Variants in HERPUD2 observed in about 807,000 individuals in gnomAD.
HERPUD2 encodes the protein homocysteine-responsive endoplasmic reticulum-resident ubiquitin-like domain member 2 protein.
In HERPUD2, 13 loss-of-function variants were observed where a neutral mutation model predicts 49.9. That is an observed-to-expected ratio of 0.26 (90% CI 0.17 to 0.41). The LOEUF (loss-of-function observed/expected upper bound fraction) is 0.41, where lower values mean the gene tolerates loss of function less well. HERPUD2 is among the 10% of genes least tolerant of loss of function. HERPUD2 has a pLI of 1.00. For missense variants in HERPUD2, 449 were observed against 492.2 expected (o/e 0.91, Z 0.83); for synonymous variants, 172 against 171.4 (o/e 1.00, Z -0.03).
intron 5 of HERPUD2, among the ~76,000 whole-genome samples, chr7:35,653,647 C>T (rs1284345296): frequency 6.6e-6 from 1 of 151,122 alleles, no homozygotes; most frequent in Non-Finnish European, 1.5e-5. Context: ...CCAGAATAGA[C>T]TGTATGTTAG....
chr7:35,642,798 C>A (rs758321960), intron 5 of HERPUD2, among the ~76,000 whole-genome samples: 1 of 152,086 alleles, frequency 6.6e-6, no homozygotes, highest in Non-Finnish European at 1.5e-5. Context: ...GACACTTCAG[C>A]GTACTTGAGA....
intron 6 of HERPUD2, among the ~76,000 whole-genome samples, chr7:35,636,078 T>G (rs1180913429): frequency 6.6e-6 from 1 of 152,206 alleles, no homozygotes; most frequent in Non-Finnish European, 1.5e-5. Flanking sequence ...ATAATTTGAT[T>G]GCTTAAAATT....
chr7:35,653,081 T>G (rs1358052923), intron 5 of HERPUD2, among the ~76,000 whole-genome samples: 1 of 152,162 alleles, frequency 6.6e-6, no homozygotes, highest in Non-Finnish European at 1.5e-5. Flanking sequence ...CCCTGTCATA[T>G]CAATAATAAT....
At chr7:35,684,521 G>GATAT (rs71553025) in intron 2 of HERPUD2, among the ~76,000 whole-genome samples, 10 of 150,588 alleles carry the variant, frequency 6.6e-5, no homozygotes, top group East Asian at 2.0e-4. Context: ...GTGAGAGACA[G>GATAT]ATATATATAT....
intron 5 of HERPUD2, among the ~76,000 whole-genome samples, chr7:35,658,936 T>C (rs1353070695): frequency 1.3e-5 from 2 of 152,216 alleles, no homozygotes; most frequent in Non-Finnish European, 2.9e-5. Context: ...TATTGTTAGA[T>C]TGGCAGACTT....
chr7:35,687,852 G>C (rs551589113), intron 2 of HERPUD2, among the ~76,000 whole-genome samples: 2 of 152,254 alleles, frequency 1.3e-5, no homozygotes, highest in East Asian at 3.9e-4. Context: ...AAGTCACCTA[G>C]TTAGTATCAA....
rs1583532599 is a variant in HERPUD2, at chr7:35,633,787, G to T, written c.1124C>A (p.Ala375Glu). The change falls in exon 9 of 9, where the codon GCA becomes GAA. Residue 375 changes from alanine (A) to glutamate (E), a missense_variant. Ala to Glu is a moderately radical substitution (Grantham distance 107). Transcript: ENST00000311350. ...AGCCATTAATCCAGGCCTTTGAATT[G>T]CACTGGCATCTTCACCTCCATCTTC... ...SGEDGGEDAS[A>E]IQRPGLMASA... 3 of 1,613,800 alleles carry T rather than the reference G, an allele frequency of 1.9e-6. No individual in the cohort carries two copies. Among genetic ancestry groups the T allele is most frequent in the Non-Finnish European group, 2.5e-6 (3 of 1,179,914 alleles).
intron 5 of HERPUD2, among the ~76,000 whole-genome samples, chr7:35,648,563 C>T (rs1273278580): frequency 6.6e-6 from 1 of 152,192 alleles, no homozygotes; most frequent in Non-Finnish European, 1.5e-5. Flanking sequence ...TGCAATACTT[C>T]CCCCTCTCAA....
chr7:35,678,095 G>A (rs944193690), intron 2 of HERPUD2, among the ~76,000 whole-genome samples: 2 of 152,178 alleles, frequency 1.3e-5, no homozygotes, highest in African/African-American at 2.4e-5. Flanking sequence ...GCAGTTTCAT[G>A]AGGCTCTAAT....
intron 5 of HERPUD2, among the ~76,000 whole-genome samples, chr7:35,644,484 C>T (rs901301598): frequency 6.6e-6 from 1 of 152,122 alleles, no homozygotes; most frequent in Non-Finnish European, 1.5e-5. Flanking sequence ...GAAACATCAA[C>T]CTGCCAGGGG....
At chr7:35,659,616 G>A (rs1433041309) in intron 5 of HERPUD2, among the ~76,000 whole-genome samples, 1 of 152,190 alleles carries the variant, frequency 6.6e-6, no homozygotes, top group Admixed American at 6.5e-5. Flanking sequence ...CAGTAGAGAA[G>A]AGACTTGCCC....
chr7:35,684,949 C>G (rs1163800872), intron 2 of HERPUD2, among the ~76,000 whole-genome samples: 3 of 151,914 alleles, frequency 2.0e-5, no homozygotes, highest in African/African-American at 7.3e-5. Flanking sequence ...TAATTGAAAA[C>G]AGAAAAACTG....
At chr7:35,643,482 ACTC>A (rs1372798075) in intron 5 of HERPUD2, among the ~76,000 whole-genome samples, 10 of 152,112 alleles carry the variant, frequency 6.6e-5, no homozygotes, top group African/African-American at 2.2e-4. Context: ...ATCTCTCTCT[ACTC>A]CTATGGAGTG....
intron 5 of HERPUD2, among the ~76,000 whole-genome samples, chr7:35,650,704 A>G (rs1024723773): frequency 6.6e-6 from 1 of 152,162 alleles, no homozygotes; most frequent in African/African-American, 2.4e-5. Context: ...CCCTGAGGAC[A>G]GGCTACCAGC....
At chr7:35,637,617 G>A (rs1041000253) in intron 6 of HERPUD2, among the ~76,000 whole-genome samples, 1 of 152,128 alleles carries the variant, frequency 6.6e-6, no homozygotes, top group Non-Finnish European at 1.5e-5. Flanking sequence ...TCCACAGAGA[G>A]CTAACAACTA....
chr7:35,646,309 C>T (rs1785053599), intron 5 of HERPUD2, among the ~76,000 whole-genome samples: 1 of 152,082 alleles, frequency 6.6e-6, no homozygotes, highest in Non-Finnish European at 1.5e-5. Flanking sequence ...AGCCTATAAT[C>T]CTAGCTACTT....
In HERPUD2 at chr7:35,694,048, G is replaced by A. The variant is rs1258067897; in HGVS notation, c.147+136C>T. On this transcript the variant is annotated intron_variant, in intron 2 of 8. Transcript: ENST00000311350. ...CGAACACTCAGGAGACACAACCTCA[G>A]AACTCAAAATACCTCGCGGTCTACC... 3.6e-6 allele frequency: 3 copies of A among 831,820 alleles called. No individual in the cohort carries two copies. The Admixed American group carries it at 6.4e-5, about 18-fold the overall frequency. 51.5% of individuals were successfully genotyped at this position (831,820 alleles called of 1,614,324 possible).
intron 5 of HERPUD2, among the ~76,000 whole-genome samples, chr7:35,648,019 C>T (rs1409999306): frequency 6.6e-6 from 1 of 152,162 alleles, no homozygotes; most frequent in Non-Finnish European, 1.5e-5. Flanking sequence ...GCCTCTTTAT[C>T]ATGTCTCAGA....
intron 5 of HERPUD2, among the ~76,000 whole-genome samples, chr7:35,657,792 G>A (rs150226181): frequency 0.038 from 5,710 of 150,378 alleles, 185 homozygotes; most frequent in South Asian, 0.15. Context: ...TGTGGCGGGC[G>A]CCTGTAGTCC....
Sources: gnomAD v4.1 joint callset for allele counts (sites outside exome capture counted in the v4.1 genomes callset) on GRCh38, gnomAD v4.1.1 for gene constraint, MANE v1.5 for transcripts, NCBI Gene and HGNC (gene_info 2026-07-23, HGNC 2026-07-21) for gene names.